PLEKHA1: variants seen among roughly 807,000 people sequenced by gnomAD.
PLEKHA1 encodes the protein pleckstrin homology domain containing A1.
PLEKHA1 carries 34 observed loss-of-function variants against 52.0 expected under a neutral mutation model. That is an observed-to-expected ratio of 0.65 (90% confidence interval 0.50 to 0.87). The LOEUF is 0.87. PLEKHA1 is among the 40% of genes least tolerant of loss of function. The pLI is 0.00. For missense variants in PLEKHA1, 497 were observed against 504.2 expected (o/e 0.99, Z 0.14); for synonymous variants, 163 against 170.7 (o/e 0.95, Z 0.35).
At chr10:122,410,871 ATTTTATC>A (rs964420867) in intron 5 of PLEKHA1, among the ~76,000 whole-genome samples, 7 of 152,068 alleles carry the variant, frequency 4.6e-5, no homozygotes, top group Non-Finnish European at 8.8e-5. Context: ...AGCACCTCTC[ATTTTATC>A]TAGTTGAATA....
chr10:122,425,842 C>G (rs1590934394), intron 10 of PLEKHA1: 1 of 151,650 alleles, frequency 6.6e-6, no homozygotes, highest in East Asian at 1.9e-4. Flanking sequence ...ATAAAACATT[C>G]AGTCCCACAT....
chr10:122,397,403 A>T (rs957404528), intron 2 of PLEKHA1, among the ~76,000 whole-genome samples: 1 of 152,044 alleles, frequency 6.6e-6, no homozygotes, highest in Admixed American at 6.6e-5. Flanking sequence ...AGAAGCAAAC[A>T]TTTTTTTGTG....
At chr10:122,381,494 G>A (rs764113802) in intron 1 of PLEKHA1, among the ~76,000 whole-genome samples, 15 of 152,042 alleles carry the variant, frequency 9.9e-5, no homozygotes, top group Admixed American at 9.2e-4. Context: ...TTAAAAGTGT[G>A]TACCTCTCTC....
At chr10:122,386,788 AT>A (rs1009849390) in intron 1 of PLEKHA1, 1 of 151,996 alleles carries the variant, frequency 6.6e-6, no homozygotes, top group Non-Finnish European at 1.5e-5. Flanking sequence ...GACCGGTGTT[AT>A]TTTTTTCCTT....
the PLEKHA1 span, chr10:122,439,469 C>T: frequency 2.2e-4 from 33 of 151,534 alleles, no homozygotes; most frequent in South Asian, 4.2e-4. Context: ...CAGTGGCTCA[C>T]GCCTGTAATC....
chr10:122,428,279 C>G (rs778239588), intron 11 of PLEKHA1: 10 of 1,539,222 alleles, frequency 6.5e-6, no homozygotes, highest in East Asian at 4.9e-5. Flanking sequence ...GTTCCAGATG[C>G]GGCAGGCCAG....
intron 1 of PLEKHA1, chr10:122,387,554 G>A (rs372940114): frequency 6.6e-6 from 1 of 152,084 alleles, no homozygotes; most frequent in Non-Finnish European, 1.5e-5. Context: ...ATACCTGAGG[G>A]CTTTTCTGTA....
At chr10:122,424,548 C>G (rs1337210182) in intron 9 of PLEKHA1, among the ~76,000 whole-genome samples, 1 of 152,094 alleles carries the variant, frequency 6.6e-6, no homozygotes. Flanking sequence ...TTAATGTGAA[C>G]AACTTATGGT....
intron 1 of PLEKHA1, among the ~76,000 whole-genome samples, chr10:122,381,671 G>T (rs1404115075): frequency 6.6e-6 from 1 of 152,150 alleles, no homozygotes; most frequent in Non-Finnish European, 1.5e-5. Flanking sequence ...CCCAGCCTCA[G>T]GTAGTTCTTT....
intron 2 of PLEKHA1, among the ~76,000 whole-genome samples, chr10:122,395,775 T>C (rs2096841743): frequency 6.6e-6 from 1 of 152,096 alleles, no homozygotes; most frequent in African/African-American, 2.4e-5. Context: ...AAAAATTCTT[T>C]CTAGTGTTTA....
In PLEKHA1 at chr10:122,393,184, A is replaced by G. The variant is rs2096799457; in HGVS notation, c.-17A>G. On this transcript the variant is annotated 5_prime_UTR_variant, in exon 2 of 12. Coordinates refer to ENST00000368990, the MANE Select transcript of PLEKHA1 (RefSeq NM_001001974.4). The surrounding 1 kb of genome is among the most constrained non-coding windows in gnomAD (Gnocchi z 4.5). ...TGTTAATATTTTTATTTTACAGTGT[A>G]ATGTTCAAGCTCAGAAATGCCTTAT... The G allele has an allele frequency of 6.2e-7, 1 of 1,602,152 alleles. No individual in the cohort carries two copies. Among genetic ancestry groups the G allele is most frequent in the Non-Finnish European group, 8.5e-7 (1 of 1,175,028 alleles).
At chr10:122,413,835 G>C (rs2097139093) in intron 6 of PLEKHA1, among the ~76,000 whole-genome samples, 1 of 151,862 alleles carries the variant, frequency 6.6e-6, no homozygotes, top group Non-Finnish European at 1.5e-5. Context: ...GCCAAGCTTG[G>C]GTATTTTCAT....
At position 122,417,885 on chromosome 10, in the gene PLEKHA1, G is replaced by A. The variant is rs762065899; in HGVS notation, c.613-15G>A. ...TTAGAAACACAAGTCTTATGTCTGT[G>A]TTCATCTCTGGTAGATGAAAAACTG... is the stretch of plus-strand genomic sequence containing the variant. On this transcript the variant is annotated splice_polypyrimidine_tract_variant and intron_variant, in intron 7 of 11. Coordinates refer to ENST00000368990, the MANE Select transcript of PLEKHA1 (RefSeq NM_001001974.4). 1 of 1,592,438 alleles carries A rather than the reference G, an allele frequency of 6.3e-7. No homozygotes were observed. The highest frequency in any genetic ancestry group is 8.6e-7 in the Non-Finnish European group (1 of 1,161,548).
chr10:122,407,060 A>T (rs1329773775), intron 5 of PLEKHA1, among the ~76,000 whole-genome samples: 1 of 152,160 alleles, frequency 6.6e-6, no homozygotes, highest in Non-Finnish European at 1.5e-5. Flanking sequence ...CTAAGCCATG[A>T]CTGGGATTGG....
intron 1 of PLEKHA1, among the ~76,000 whole-genome samples, chr10:122,391,211 A>G (rs76432564): frequency 0.052 from 7,851 of 151,368 alleles, 250 homozygotes; most frequent in East Asian, 0.14. Flanking sequence ...TAGTTTGCAA[A>G]TATTTTCTTT....
chr10:122,416,194 C>T (rs2097172178), intron 7 of PLEKHA1, among the ~76,000 whole-genome samples, 192 bp downstream of exon 7: 1 of 152,176 alleles, frequency 6.6e-6, no homozygotes, highest in South Asian at 2.1e-4. Flanking sequence ...GCTTGGTTTG[C>T]AGGGGGCCAG....
chr10:122,406,749 A>ATAT, intron 5 of PLEKHA1, 76 bp downstream of exon 5: 2 of 1,087,044 alleles, frequency 1.8e-6, no homozygotes, highest in Non-Finnish European at 1.4e-6. Flanking sequence ...CACCTACCAA[A>ATAT]TGTTCCCAGC....
intron 2 of PLEKHA1, among the ~76,000 whole-genome samples, chr10:122,394,056 T>C (rs1331137226): frequency 6.7e-6 from 1 of 150,256 alleles, no homozygotes; most frequent in East Asian, 1.9e-4. Flanking sequence ...TTTTAAACTT[T>C]CAACTTTCTC....
chr10:122,441,959 G>C, the PLEKHA1 span: 6 of 152,242 alleles, frequency 3.9e-5, no homozygotes, highest in African/African-American at 1.4e-4. Flanking sequence ...GGGACACTGA[G>C]TAACGTGGGG....
Sources: gnomAD v4.1 joint callset for allele counts (sites outside exome capture counted in the v4.1 genomes callset) on GRCh38, gnomAD v4.1.1 for gene constraint, Gnocchi (gnomAD v3.1) non-coding constraint, MANE v1.5 for transcripts, NCBI Gene and HGNC (gene_info 2026-07-23, HGNC 2026-07-21) for gene names.